Variants in PCGF3 observed in about 807,000 individuals in gnomAD.
PCGF3 encodes polycomb group ring finger 3.
Under a neutral mutation model 33.1 loss-of-function variants are expected in PCGF3, and 7 were observed. That is an observed-to-expected ratio of 0.21 (90% CI 0.12 to 0.40). The LOEUF (loss-of-function observed/expected upper bound fraction) is 0.40, where lower values mean the gene tolerates loss of function less well. PCGF3 is among the 10% of genes least tolerant of loss of function. PCGF3 has a pLI of 1.00. For missense variants in PCGF3, 211 were observed against 313.3 expected (o/e 0.67, Z 2.46); for synonymous variants, 153 against 121.3 (o/e 1.26, Z -1.72).
intron 10 of PCGF3, 139 bp from the exon 11 acceptor site, chr4:765,893 G>T (rs74322055): frequency 4.0e-6 from 3 of 746,570 alleles, no homozygotes; most frequent in East Asian, 2.5e-5. Context: ...CTGTTGCTCA[G>T]AACAGAAGGG....
chr4:737,678 G>A, intron 6 of PCGF3, 157 bp downstream of exon 6: 1 of 617,904 alleles, frequency 1.6e-6, no homozygotes, highest in Non-Finnish European at 2.9e-6. Context: ...CATCTCCTTG[G>A]CTGGTCTCTT....
rs1213251743 is a variant in PCGF3 at position 736,664 on chromosome 4, C to A, written c.207-802C>A. ...AGGGAACCCGTGGTGTCCACAGGGA[C>A]GGTGTCTCCTGAGCGCACAGGATGC... On this transcript the variant is annotated intron_variant, in intron 5 of 10. Transcript: ENST00000362003. Among the ~76,000 whole-genome samples, 3 of 130,802 alleles carry A rather than the reference C, an allele frequency of 2.3e-5. 1 individual carries two copies. The highest frequency in any genetic ancestry group is 7.3e-5 in the Admixed American group (1 of 13,754). The allele number at this position is 130,802 out of a possible 152,430, so 85.8% of individuals were successfully genotyped here. A position where few individuals can be genotyped will look rare whatever the true frequency, so the allele number is the denominator to read the frequency against.
At chr4:728,965 T>C (rs761221322) in intron 1 of PCGF3, among the ~76,000 whole-genome samples, 3 of 151,778 alleles carry the variant, frequency 2.0e-5, no homozygotes, top group Non-Finnish European at 4.4e-5. Flanking sequence ...CTGGGCGTGG[T>C]GGCGGACGTC....
intron 8 of PCGF3, among the ~76,000 whole-genome samples, chr4:756,015 C>T (rs916186378): frequency 2.1e-5 from 3 of 141,088 alleles, no homozygotes; most frequent in Non-Finnish European, 4.5e-5. Flanking sequence ...CGGGTTCAAG[C>T]GATTCTTCTG....
chr4:711,951 GA>G (rs1421259976), intron 1 of PCGF3, among the ~76,000 whole-genome samples: 7 of 76,900 alleles, frequency 9.1e-5, no homozygotes, highest in South Asian at 6.2e-4. Context: ...GACTCTGTCT[GA>G]AAAAAAAATA....
chr4:722,723 T>A (rs1194154044), intron 1 of PCGF3, among the ~76,000 whole-genome samples: 4 of 74,928 alleles, frequency 5.3e-5, no homozygotes, highest in Non-Finnish European at 7.2e-5. Flanking sequence ...CACACTCGCG[T>A]CATCGCCCAC....
At chr4:744,528 G>A in intron 7 of PCGF3, 72 bp from the exon 8 acceptor site, 4 of 1,123,592 alleles carry the variant, frequency 3.6e-6, no homozygotes, top group Non-Finnish European at 5.3e-6. Flanking sequence ...GGCATTTGGA[G>A]TACAGTGTAG....
chr4:736,063 T>G (rs1430163032), intron 5 of PCGF3, among the ~76,000 whole-genome samples: 1 of 152,072 alleles, frequency 6.6e-6, no homozygotes, highest in African/African-American at 2.4e-5. Context: ...TATTTATTTT[T>G]CTTGAGATGG....
chr4:727,542 G>A (rs1743383292), intron 1 of PCGF3, among the ~76,000 whole-genome samples: 1 of 152,006 alleles, frequency 6.6e-6, no homozygotes, highest in Non-Finnish European at 1.5e-5. Context: ...GCTTGGCTGA[G>A]TTTTGTTTTT....
chr4:753,371 T>C (rs991533195), intron 8 of PCGF3, among the ~76,000 whole-genome samples: 3 of 152,044 alleles, frequency 2.0e-5, no homozygotes, highest in Non-Finnish European at 4.4e-5. Context: ...AAGAAGACTC[T>C]TGGCCGGGTG....
intron 8 of PCGF3, among the ~76,000 whole-genome samples, chr4:751,228 C>G (rs935272950): frequency 1.3e-5 from 2 of 152,116 alleles, no homozygotes; most frequent in African/African-American, 4.8e-5. Flanking sequence ...TTCCTGATCT[C>G]CGTCTTCCAA....
chr4:766,075 T>C, exon 11 of PCGF3: 1 of 1,614,076 alleles, frequency 6.2e-7, no homozygotes, highest in Non-Finnish European at 8.5e-7. Context: ...ATGGACTTGC[T>C]GTGAATGGTG....
Position 710,835 on chromosome 4 carries a change from G to A in PCGF3, c.-190+4865G>A, listed in dbSNP as rs928620959. ...TGCAAGGATTTTTGCTGTTCCCAGA[G>A]TCCCCTCATTTTCTTCCTGCCAGTG... is the stretch of plus-strand genomic sequence containing the variant. On this transcript the variant is annotated intron_variant, in intron 1 of 10. Coordinates refer to ENST00000362003, the Ensembl canonical transcript of PCGF3. Among the ~76,000 whole-genome samples the A allele has an allele frequency of 2.0e-5, 3 of 152,160 alleles. No individual in the cohort carries two copies. In the East Asian group the frequency reaches 5.8e-4, roughly 29 times the overall value.
intron 1 of PCGF3, among the ~76,000 whole-genome samples, chr4:707,943 C>A (rs866038059): frequency 2.0e-5 from 2 of 99,092 alleles, no homozygotes; most frequent in African/African-American, 7.0e-5. Context: ...CCCTGTTTTC[C>A]CCTGGGGGCC....
At chr4:769,024 A>C (rs1577456285) in exon 11 of PCGF3, 1 of 152,562 alleles carries the variant, frequency 6.6e-6, no homozygotes, top group Admixed American at 6.5e-5. Flanking sequence ...TTCGTTTTTC[A>C]TTGTTATTAT....
intron 1 of PCGF3, among the ~76,000 whole-genome samples, chr4:708,735 C>G (rs1297513774): frequency 6.6e-6 from 1 of 152,192 alleles, no homozygotes; most frequent in African/African-American, 2.4e-5. Flanking sequence ...ATGTGAGTGC[C>G]CCACTTCCTC....
intron 1 of PCGF3, among the ~76,000 whole-genome samples, chr4:724,789 T>C (rs1015856005): frequency 2.0e-5 from 3 of 151,640 alleles, no homozygotes; most frequent in African/African-American, 7.3e-5. Context: ...CAGAGCGAGA[T>C]TCCGTCTCAC....
At chr4:743,665 C>A in intron 7 of PCGF3, 81 bp downstream of exon 7, 2 of 809,052 alleles carry the variant, frequency 2.5e-6, no homozygotes, top group South Asian at 1.5e-5. Flanking sequence ...CGCTGTCTGC[C>A]GGCCCCTCCC....
intron 5 of PCGF3, 111 bp downstream of exon 5, chr4:735,138 C>G: frequency 8.0e-7 from 1 of 1,243,282 alleles, no homozygotes; most frequent in Non-Finnish European, 1.1e-6. Context: ...GCCTTGGCAG[C>G]AGCCTCTCCT....
Sources: allele counts gnomAD v4.1 joint callset (sites outside exome capture counted in the v4.1 genomes callset), GRCh38; gene constraint gnomAD v4.1.1; transcripts MANE v1.5; gene names NCBI Gene and HGNC (gene_info 2026-07-23, HGNC 2026-07-21).